The following LRMDA variants were observed in gnomAD, a reference collection of about 807,000 sequenced individuals.
LRMDA encodes leucine rich melanocyte differentiation associated.
In LRMDA, 18 loss-of-function variants were observed where a neutral mutation model predicts 29.8. That is an observed-to-expected ratio of 0.60 (90% CI 0.42 to 0.90). The LOEUF is 0.90. Among genes scored for constraint, LRMDA ranks in the 40% least tolerant of loss-of-function variants. The probability of loss-of-function intolerance (pLI) is 0.00; values close to 1 mark genes in which losing one functional copy is unlikely to be tolerated. For missense variants in LRMDA, 273 were observed against 273.9 expected, an observed-to-expected ratio of 1.00 and a Z score of 0.02; for synonymous variants, 125 against 109.4, an observed-to-expected ratio of 1.14 and a Z score of -0.89.
intron 6 of LRMDA, among the ~76,000 whole-genome samples, chr10:76,447,894 G>A (rs1842368952): frequency 6.6e-6 from 1 of 152,090 alleles, no homozygotes; most frequent in African/African-American, 2.4e-5. Flanking sequence ...CTTTTCCAGT[G>A]TATAAGAGAT....
Position 75,581,939 on chromosome 10 carries a change from ATATCT to A in LRMDA, c.131+143448_131+143452del, listed in dbSNP as rs558465289. On this transcript the variant is annotated intron_variant, in intron 2 of 6. Coordinates refer to ENST00000611255, the MANE Select transcript of LRMDA (RefSeq NM_001305581.2). ...CCCAGAAATTTATATATATTAAAAA[ATATCT>A]TAAAGCTCCAAGATAGTATTCTTTG... 2.2e-3 allele frequency among the ~76,000 whole-genome samples: 329 copies of A among 152,350 alleles called. 1 individual carries two copies. The highest frequency in any genetic ancestry group is 3.7e-3 in the Non-Finnish European group (252 of 68,028).
chr10:75,659,768 T>A (rs141454669), intron 2 of LRMDA, among the ~76,000 whole-genome samples: 1 of 152,346 alleles, frequency 6.6e-6, no homozygotes, highest in African/African-American at 2.4e-5. Flanking sequence ...TGAGATTTGC[T>A]AAGAGAGTAG....
chr10:76,047,432 C>A (rs1848459606), intron 4 of LRMDA, 129 bp downstream of exon 4: 9 of 964,258 alleles, frequency 9.3e-6, no homozygotes, highest in Non-Finnish European at 1.3e-5. Flanking sequence ...CAATGTTAAA[C>A]TTTTACCTTT....
intron 2 of LRMDA, among the ~76,000 whole-genome samples, chr10:75,717,014 C>T (rs930320084): frequency 6.6e-6 from 1 of 152,192 alleles, no homozygotes; most frequent in Non-Finnish European, 1.5e-5. Flanking sequence ...CTTTCTCTCT[C>T]CCCATAATAT....
Position 75,857,894 on chromosome 10 carries a change from G to A in LRMDA, c.132-178114G>A, listed in dbSNP as rs565875567. ...CTAATGCTGCAGGAGGGCACACACA[G>A]TTCTGTTTTACTGGCCCTACAGGGA... On this transcript the variant is annotated intron_variant, in intron 2 of 6. Coordinates refer to ENST00000611255, the MANE Select transcript of LRMDA (RefSeq NM_001305581.2). Among the ~76,000 whole-genome samples, 15 of 152,350 alleles carry A rather than the reference G, an allele frequency of 9.8e-5. No homozygotes were observed. The South Asian group carries it at 2.3e-3, about 23-fold the overall frequency.
chr10:76,302,817 C>T (rs1287335199), intron 5 of LRMDA, among the ~76,000 whole-genome samples: 1 of 152,142 alleles, frequency 6.6e-6, no homozygotes, highest in East Asian at 1.9e-4. Flanking sequence ...TTCTGCAAGT[C>T]CTAAGTAGCC....
At chr10:76,394,943 C>G (rs1841765536) in intron 6 of LRMDA, among the ~76,000 whole-genome samples, 1 of 152,084 alleles carries the variant, frequency 6.6e-6, no homozygotes, top group Non-Finnish European at 1.5e-5. Flanking sequence ...CAAATCAAAA[C>G]AGCAAAAGAG....
intron 3 of LRMDA, among the ~76,000 whole-genome samples, chr10:76,042,918 A>G (rs767090644): frequency 1.3e-5 from 2 of 152,176 alleles, no homozygotes; most frequent in African/African-American, 2.4e-5. Flanking sequence ...CATTTCTTTC[A>G]TATATGATAG....
chr10:76,080,394 T>C (rs1849030332), intron 5 of LRMDA, among the ~76,000 whole-genome samples: 1 of 152,208 alleles, frequency 6.6e-6, no homozygotes, highest in Non-Finnish European at 1.5e-5. Flanking sequence ...TATTATCCCT[T>C]AGTATTTAGC....
intron 6 of LRMDA, among the ~76,000 whole-genome samples, chr10:76,440,074 A>G (rs1188059073): frequency 1.3e-5 from 2 of 152,192 alleles, no homozygotes; most frequent in Admixed American, 1.3e-4. Flanking sequence ...TAAGTAACTG[A>G]CACTGTACAT....
intron 5 of LRMDA, among the ~76,000 whole-genome samples, chr10:76,228,976 T>C (rs1033838458): frequency 6.6e-6 from 1 of 152,200 alleles, no homozygotes; most frequent in African/African-American, 2.4e-5. Flanking sequence ...GTGGGGAAGG[T>C]TAGCTTAGCT....
At chr10:75,953,592 C>G (rs758318693) in intron 2 of LRMDA, among the ~76,000 whole-genome samples, 114 of 152,270 alleles carry the variant, frequency 7.5e-4, no homozygotes, top group Non-Finnish European at 1.5e-3. Context: ...AAGAATAGTG[C>G]TATCTGCTAC....
At chr10:75,917,242 G>A (rs2132384533) in intron 2 of LRMDA, among the ~76,000 whole-genome samples, 1 of 152,316 alleles carries the variant, frequency 6.6e-6, no homozygotes, top group African/African-American at 2.4e-5. Flanking sequence ...CCCAGTGTAT[G>A]TGTGGCCTCT....
chr10:76,522,461 G>A (rs1404495266), intron 6 of LRMDA, among the ~76,000 whole-genome samples: 2 of 152,202 alleles, frequency 1.3e-5, no homozygotes, highest in African/African-American at 4.8e-5. Flanking sequence ...TTTGTTGAGT[G>A]GTTGAATGAA....
intron 2 of LRMDA, among the ~76,000 whole-genome samples, chr10:75,992,292 G>A (rs910972211): frequency 1.3e-5 from 2 of 152,098 alleles, no homozygotes; most frequent in African/African-American, 4.8e-5. Flanking sequence ...TGCATCCTCC[G>A]AGTACCATGA....
intron 6 of LRMDA, among the ~76,000 whole-genome samples, chr10:76,365,085 C>CATATATATATATATATATAT (rs554375602): frequency 7.2e-5 from 5 of 69,748 alleles, no homozygotes; most frequent in East Asian, 2.5e-4. Context: ...CACACACACA[C>CATATATATATATATATATAT]ATATATATAT....
In LRMDA at chr10:75,692,217, AAAATATATATAT is replaced by A. The variant is rs1437743970; in HGVS notation, c.131+253725_131+253736del. Among the ~76,000 whole-genome samples the A allele has an allele frequency of 2.3e-3, 117 of 50,608 alleles. 1 individual carries two copies. Among genetic ancestry groups the A allele is most frequent in the African/African-American group, 0.01 (102 of 10,016 alleles). 33.2% of individuals were successfully genotyped at this position (50,608 alleles called of 152,430 possible). ...ACCTTGTCTCTGGGGGGAAAAAAAA[AAAATATATATAT>A]ATATATATATATATATATACATATA... is the stretch of plus-strand genomic sequence containing the variant. On this transcript the variant is annotated intron_variant, in intron 2 of 6. Coordinates refer to ENST00000611255, the MANE Select transcript of LRMDA (RefSeq NM_001305581.2).
chr10:75,550,891 C>T (rs564743615), intron 2 of LRMDA, among the ~76,000 whole-genome samples: 1 of 152,192 alleles, frequency 6.6e-6, no homozygotes, highest in East Asian at 1.9e-4. Context: ...TCAGATAATA[C>T]ATTGCTTTAT....
At chr10:75,545,864 G>A (rs1332670621) in intron 2 of LRMDA, among the ~76,000 whole-genome samples, 5 of 152,156 alleles carry the variant, frequency 3.3e-5, no homozygotes, top group Non-Finnish European at 7.4e-5. Flanking sequence ...AATATTTAGT[G>A]ACAAAAATTC....
Sources: allele counts gnomAD v4.1 joint callset (sites outside exome capture counted in the v4.1 genomes callset), GRCh38; gene constraint gnomAD v4.1.1; transcripts MANE v1.5; gene names NCBI Gene and HGNC (gene_info 2026-07-23, HGNC 2026-07-21).